ACOXL: variants seen among roughly 807,000 people sequenced by gnomAD.
ACOXL encodes the protein acyl-CoA oxidase like, also known as acyl-coenzyme A oxidase-like protein.
Under a neutral mutation model 71.9 loss-of-function variants are expected in ACOXL, and 70 were observed. The observed-to-expected ratio is 0.97, with a 90% CI of 0.80 to 1.19. The LOEUF is 1.19. ACOXL is among the 50% of genes most tolerant of loss of function. The probability of loss-of-function intolerance (pLI) is 0.00; values close to 1 mark genes in which losing one functional copy is unlikely to be tolerated. For missense variants in ACOXL, 703 were observed against 736.3 expected (o/e 0.95, Z 0.52); for synonymous variants, 253 against 281.6 (o/e 0.90, Z 1.02).
chr2:110,798,893 T>A, intron 6 of ACOXL, 121 bp from the exon 7 acceptor site: 1 of 1,202,604 alleles, frequency 8.3e-7, no homozygotes, highest in Non-Finnish European at 1.2e-6. Flanking sequence ...TATGCTCTCA[T>A]GCTTGGTGCA....
intron 11 of ACOXL, among the ~76,000 whole-genome samples, chr2:110,914,535 A>G (rs925828706): frequency 4.6e-5 from 7 of 152,264 alleles, no homozygotes; most frequent in African/African-American, 1.7e-4. Context: ...GACCTGTATT[A>G]TCACTAAATT....
intron 16 of ACOXL, among the ~76,000 whole-genome samples, chr2:111,070,078 A>C (rs1017176629): frequency 6.6e-6 from 1 of 152,138 alleles, no homozygotes; most frequent in Non-Finnish European, 1.5e-5. Context: ...AAGCGTATTC[A>C]GCATGCCAGT....
At chr2:110,783,855 C>T (rs1683629465) in intron 2 of ACOXL, among the ~76,000 whole-genome samples, 1 of 152,274 alleles carries the variant, frequency 6.6e-6, no homozygotes, top group South Asian at 2.1e-4. Context: ...GGGCCTATCA[C>T]CTTCTAAGAA....
chr2:110,885,229 G>A (rs1189596403), intron 10 of ACOXL, among the ~76,000 whole-genome samples: 1 of 152,150 alleles, frequency 6.6e-6, no homozygotes, highest in Non-Finnish European at 1.5e-5. Flanking sequence ...ATTCCAAAAA[G>A]AGCAAGGCCA....
intron 1 of ACOXL, among the ~76,000 whole-genome samples, chr2:110,748,552 C>T (rs768461655): frequency 2.6e-5 from 4 of 152,198 alleles, no homozygotes; most frequent in East Asian, 1.9e-4. Context: ...GCCCTGTCTT[C>T]GCATTTTCTC....
chr2:110,865,309 G>A (rs1694439799), intron 10 of ACOXL, among the ~76,000 whole-genome samples: 1 of 152,204 alleles, frequency 6.6e-6, no homozygotes, highest in Non-Finnish European at 1.5e-5. Flanking sequence ...AGGTGCGTAG[G>A]GTGGGGTTGG....
At chr2:110,913,809 G>GC (rs1241315506) in intron 11 of ACOXL, among the ~76,000 whole-genome samples, 2 of 152,170 alleles carry the variant, frequency 1.3e-5, no homozygotes, top group African/African-American at 4.8e-5. Context: ...CATGGCGAAA[G>GC]CAGGAGCAAG....
chr2:111,071,746 G>T (rs1047396868), intron 16 of ACOXL, among the ~76,000 whole-genome samples: 1 of 152,204 alleles, frequency 6.6e-6, no homozygotes, highest in African/African-American at 2.4e-5. Flanking sequence ...ATGGAGATGG[G>T]CTGCCTGCTT....
chr2:110,935,785 A>G (rs943542275), intron 12 of ACOXL, among the ~76,000 whole-genome samples: 7 of 145,108 alleles, frequency 4.8e-5, no homozygotes, highest in South Asian at 2.3e-4. Context: ...GCTCTGCAAC[A>G]GTGGCCTCCA....
intron 1 of ACOXL, among the ~76,000 whole-genome samples, chr2:110,753,217 A>C (rs562625183): frequency 2.6e-5 from 4 of 152,038 alleles, no homozygotes; most frequent in Non-Finnish European, 5.9e-5. Flanking sequence ...TACTTCTACC[A>C]TGAGTAGAAG....
chr2:110,954,248 G>A (rs1398857891), intron 12 of ACOXL, among the ~76,000 whole-genome samples: 15 of 152,112 alleles, frequency 9.9e-5, no homozygotes, highest in Non-Finnish European at 1.9e-4. Context: ...GTGTTATTGT[G>A]TTTATGTGTC....
chr2:110,748,376 A>G (rs1452096814), intron 1 of ACOXL, among the ~76,000 whole-genome samples: 3 of 152,130 alleles, frequency 2.0e-5, no homozygotes, highest in African/African-American at 7.2e-5. Context: ...GGAAGTGCCT[A>G]TCAGGCTTTA....
chr2:110,757,155 G>C (rs1679811277), intron 1 of ACOXL, among the ~76,000 whole-genome samples: 2 of 152,078 alleles, frequency 1.3e-5, no homozygotes. Context: ...GTGCTGTTTT[G>C]GTTTTCCATT....
chr2:110,764,744 G>A (rs954952827), intron 1 of ACOXL, among the ~76,000 whole-genome samples: 1 of 152,124 alleles, frequency 6.6e-6, no homozygotes, highest in African/African-American at 2.4e-5. Flanking sequence ...TACACATGTG[G>A]GGGCAGGAAC....
chr2:111,088,429 G>C (rs2068336576), intron 16 of ACOXL, among the ~76,000 whole-genome samples: 1 of 152,132 alleles, frequency 6.6e-6, no homozygotes, highest in Admixed American at 6.6e-5. Flanking sequence ...TAAAGAAACT[G>C]TGGTATATAT....
intron 14 of ACOXL, among the ~76,000 whole-genome samples, chr2:111,009,756 G>T (rs2149663198): frequency 6.6e-6 from 1 of 152,186 alleles, no homozygotes; most frequent in East Asian, 1.9e-4. Context: ...CTCAACTATT[G>T]CCCACCACAC....
chr2:110,825,699 C>T (rs1323951640), intron 9 of ACOXL, among the ~76,000 whole-genome samples: 4 of 152,008 alleles, frequency 2.6e-5, no homozygotes, highest in East Asian at 1.9e-4. Flanking sequence ...GCATTTATGC[C>T]GTTTGCAAGG....
At chr2:111,017,007 T>C (rs2064476762) in intron 14 of ACOXL, among the ~76,000 whole-genome samples, 1 of 152,176 alleles carries the variant, frequency 6.6e-6, no homozygotes, top group African/African-American at 2.4e-5. Flanking sequence ...AATGGGGACA[T>C]GTGACAAGCT....
chr2:111,060,870 A>G (rs1046103076), intron 16 of ACOXL, among the ~76,000 whole-genome samples: 1 of 152,216 alleles, frequency 6.6e-6, no homozygotes, highest in African/African-American at 2.4e-5. Flanking sequence ...AAATATAACA[A>G]CTGAAATAAG....
Sources: gnomAD v4.1 joint callset for allele counts (sites outside exome capture counted in the v4.1 genomes callset) on GRCh38, gnomAD v4.1.1 for gene constraint, MANE v1.5 for transcripts, NCBI Gene and HGNC (gene_info 2026-07-23, HGNC 2026-07-21) for gene names.